The following PGBD2 variants were observed in gnomAD, a reference collection of about 807,000 sequenced individuals.
PGBD2 encodes the protein piggyBac transposable element-derived protein 2.
Under a neutral mutation model 8.1 loss-of-function variants are expected in PGBD2, and 6 were observed. That is an observed-to-expected ratio of 0.74 (90% CI 0.40 to 1.46). PGBD2 has a LOEUF of 1.46. PGBD2 is among the 40% of genes most tolerant of loss of function. PGBD2 has a pLI of 0.02. For missense variants in PGBD2, 802 were observed against 739.0 expected (o/e 1.09, Z -0.99); for synonymous variants, 318 against 272.2 (o/e 1.17, Z -1.66).
the PGBD2 span, among the ~76,000 whole-genome samples, chr1:248,882,481 C>T: frequency 6.6e-6 from 1 of 152,146 alleles, no homozygotes; most frequent in Non-Finnish European, 1.5e-5. Flanking sequence ...GCAGGAAAAG[C>T]TGGTTACAAA....
intron 1 of PGBD2, among the ~76,000 whole-genome samples, chr1:248,906,711 G>A (rs539784005): frequency 6.6e-6 from 1 of 151,506 alleles, no homozygotes; most frequent in South Asian, 2.1e-4. Flanking sequence ...GCTGGCGGCG[G>A]GACTGCGAAT....
chr1:248,899,058 C>T, the PGBD2 span, among the ~76,000 whole-genome samples: 3 of 152,128 alleles, frequency 2.0e-5, no homozygotes, highest in African/African-American at 7.2e-5. Flanking sequence ...AGTTAACTAT[C>T]CTAAATATAT....
At chr1:248,911,575 T>C (rs562512607) in intron 1 of PGBD2, among the ~76,000 whole-genome samples, 24,451 of 137,696 alleles carry the variant, frequency 0.18, 7,001 homozygotes, top group African/African-American at 0.63. Flanking sequence ...CCTTTCCCCC[T>C]TTTCTATTCC....
At chr1:248,929,577 G>A in the PGBD2 span, among the ~76,000 whole-genome samples, 1 of 152,294 alleles carries the variant, frequency 6.6e-6, no homozygotes, top group South Asian at 2.1e-4. Flanking sequence ...AGGCAATGTT[G>A]TAGAACATCG....
the PGBD2 span, among the ~76,000 whole-genome samples, chr1:248,878,301 T>C: frequency 3.6e-3 from 554 of 152,130 alleles, 3 homozygotes; most frequent in Non-Finnish European, 6.3e-3. Context: ...TGCCTCAGCC[T>C]CCCGAGTAGC....
At chr1:248,892,876 C>G in the PGBD2 span, among the ~76,000 whole-genome samples, 4,217 of 152,264 alleles carry the variant, frequency 0.028, 208 homozygotes, top group African/African-American at 0.097. Flanking sequence ...TGACTCACCT[C>G]TGAGAGAAAC....
rs374046595 is a variant in PGBD2, at chr1:248,918,377, G to A, written c.*14G>A. The A allele has an allele frequency of 3.0e-5, 46 of 1,523,596 alleles. No homozygotes were observed. Among genetic ancestry groups the A allele is most frequent in the Non-Finnish European group, 4.0e-5 (46 of 1,137,154 alleles). The allele number at this position is 1,523,596 out of a possible 1,614,324, so 94.4% of individuals were successfully genotyped here. A position where few individuals can be genotyped will look rare whatever the true frequency, so the allele number is the denominator to read the frequency against. On this transcript the variant is annotated 3_prime_UTR_variant, in exon 3 of 3. Coordinates refer to ENST00000329291, the MANE Select transcript of PGBD2 (RefSeq NM_170725.3). ...CACATCCGGTGACATCATGAGACAT[G>A]CTTCTTTGGTTTATAATGAGATGTT...
the PGBD2 span, among the ~76,000 whole-genome samples, chr1:248,874,179 G>A: frequency 3.4e-3 from 523 of 152,298 alleles, 2 homozygotes; most frequent in Non-Finnish European, 5.0e-3. Context: ...ATCCAATCAT[G>A]TTTCTATAGG....
chr1:248,914,702 C>G, intron 2 of PGBD2: 2 of 915,074 alleles, frequency 2.2e-6, no homozygotes, highest in Non-Finnish European at 3.0e-6. Flanking sequence ...AGTCCATTCT[C>G]ATAGCCAGGG....
intron 1 of PGBD2, among the ~76,000 whole-genome samples, chr1:248,911,475 T>A (rs958295012): frequency 5.4e-5 from 8 of 148,568 alleles, no homozygotes; most frequent in East Asian, 1.9e-4. Context: ...AGAAGAAGTT[T>A]TCTTAGTACA....
At chr1:248,885,929 A>G in the PGBD2 span, among the ~76,000 whole-genome samples, 4 of 152,356 alleles carry the variant, frequency 2.6e-5, no homozygotes, top group African/African-American at 9.6e-5. Context: ...CACATCTGCC[A>G]TTAGAACATA....
intron 1 of PGBD2, among the ~76,000 whole-genome samples, chr1:248,906,661 C>CGGGCGGGGT (rs1311912062): frequency 9.9e-4 from 2 of 2,030 alleles, no homozygotes; most frequent in African/African-American, 4.1e-3. Flanking sequence ...AGGGCAGGCT[C>CGGGCGGGGT]GGGCGGGGTG....
At chr1:248,904,538 G>A (rs1661587337), upstream of PGBD2, among the ~76,000 whole-genome samples, 1 of 152,134 alleles carries the variant, frequency 6.6e-6, no homozygotes, top group Non-Finnish European at 1.5e-5. Flanking sequence ...GGAAGAAACA[G>A]CCAGCAAGCA....
chr1:248,890,703 C>T, the PGBD2 span, among the ~76,000 whole-genome samples: 1 of 151,664 alleles, frequency 6.6e-6, no homozygotes, highest in Non-Finnish European at 1.5e-5. Context: ...CACCGACCCC[C>T]ACACACACCC....
chr1:248,913,132 CAG>C (rs1179827016), intron 1 of PGBD2, among the ~76,000 whole-genome samples: 1 of 152,090 alleles, frequency 6.6e-6, no homozygotes, highest in African/African-American at 2.4e-5. Flanking sequence ...AAAGAACTAA[CAG>C]ATCTGGTTGG....
Position 248,916,934 on chromosome 1 carries a change from T to G in PGBD2, c.350T>G (p.Ile117Ser). 6.2e-7 allele frequency: 1 copy of G among 1,613,848 alleles called. No homozygotes were observed. Among genetic ancestry groups the G allele is most frequent in the Non-Finnish European group, 8.5e-7 (1 of 1,179,870 alleles). The change falls in exon 3 of 3, where the codon ATT (isoleucine) becomes AGT (serine). Residue 117 changes from isoleucine (I) to serine (S), a missense_variant. Physicochemically the swap from Ile to Ser is moderately radical, Grantham distance 142 (BLOSUM62 -2). Transcript: ENST00000329291. ...CAGCGCATTTGGACCAAAAGAGATA[T>G]TCGTCCAGACTTTGGCAGTTGGACT... ...KPQRIWTKRDIRPDFGSWTAS... is the reference protein window; with the variant it reads ...KPQRIWTKRDSRPDFGSWTAS...
chr1:248,873,833 G>A, the PGBD2 span, among the ~76,000 whole-genome samples: 1 of 152,236 alleles, frequency 6.6e-6, no homozygotes, highest in Admixed American at 6.5e-5. Context: ...GAGGCTAAGT[G>A]AGAAGCGCTC....
chr1:248,892,264 TCCC>T, the PGBD2 span, among the ~76,000 whole-genome samples: 1 of 37,916 alleles, frequency 2.6e-5, no homozygotes, highest in African/African-American at 1.2e-4. Context: ...CCTCCCTCCC[TCCC>T]TCCCTCCCTT....
At chr1:248,907,340 C>T (rs780530794) in intron 1 of PGBD2, among the ~76,000 whole-genome samples, 4 of 152,234 alleles carry the variant, frequency 2.6e-5, no homozygotes, top group African/African-American at 7.2e-5. Flanking sequence ...AGTTTTTCTC[C>T]TATCTCAGAA....
Sources: gnomAD v4.1 joint callset for allele counts (sites outside exome capture counted in the v4.1 genomes callset) on GRCh38, gnomAD v4.1.1 for gene constraint, MANE v1.5 for transcripts, NCBI Gene and HGNC (gene_info 2026-07-23, HGNC 2026-07-21) for gene names.